Variants in IQCK observed in about 807,000 individuals in gnomAD.
The protein encoded by IQCK is IQ domain-containing protein K.
A neutral mutation model predicts 28.1 loss-of-function variants in IQCK; 29 were observed. That is an observed-to-expected ratio of 1.03 (90% CI 0.77 to 1.41). The LOEUF (loss-of-function observed/expected upper bound fraction) is 1.41, where lower values mean the gene tolerates loss of function less well. Among genes scored for constraint, IQCK ranks in the 40% most tolerant of loss-of-function variants. The pLI is 0.00. For synonymous variants in IQCK, 113 were observed against 115.1 expected, an observed-to-expected ratio of 0.98 and a Z score of 0.12; for missense variants, 359 against 314.7, an observed-to-expected ratio of 1.14 and a Z score of -1.07.
At chr16:19,764,180 C>T in intron 6 of IQCK, 68 bp downstream of exon 6, 1 of 1,314,454 alleles carries the variant, frequency 7.6e-7, no homozygotes, top group Admixed American at 2.0e-5. Flanking sequence ...TACTTTTCTT[C>T]CATCTAAGAG....
intron 9 of IQCK, among the ~76,000 whole-genome samples, chr16:19,834,756 TTGAGGAGCAG>T (rs2056274426): frequency 6.6e-6 from 1 of 152,134 alleles, no homozygotes; most frequent in African/African-American, 2.4e-5. Context: ...CCATCTACAT[TTGAGGAGCAG>T]AGAAAGGTTT....
rs1311180817 is a variant in IQCK, at chr16:19,747,128, A to G, written c.474+11678A>G. Among the ~76,000 whole-genome samples, 3 of 152,342 alleles carry G rather than the reference A, an allele frequency of 2.0e-5. No homozygotes were observed. In the East Asian group the frequency reaches 5.8e-4, roughly 29 times the overall value. ...CCCCTATCTCTGCCAGCAAAAAATCATAACCATTTATTTAGCTCACTTTTT... is the reference window on the plus strand; with the variant it reads ...CCCCTATCTCTGCCAGCAAAAAATCGTAACCATTTATTTAGCTCACTTTTT... On this transcript the variant is annotated intron_variant, in intron 4 of 7. Coordinates refer to ENST00000564186, the Ensembl canonical transcript of IQCK.
At chr16:19,760,750 G>T (rs2055126424) in intron 4 of IQCK, among the ~76,000 whole-genome samples, 1 of 152,108 alleles carries the variant, frequency 6.6e-6, no homozygotes, top group Non-Finnish European at 1.5e-5. Flanking sequence ...AAAAAATTCA[G>T]GGCAAGTCCG....
At chr16:19,720,290 A>G (rs997598474) in intron 1 of IQCK, among the ~76,000 whole-genome samples, 5 of 152,176 alleles carry the variant, frequency 3.3e-5, no homozygotes, top group African/African-American at 1.2e-4. Flanking sequence ...TCTTGGTGCT[A>G]TGATCCAAGG....
intron 7 of IQCK, among the ~76,000 whole-genome samples, chr16:19,810,267 C>G (rs574848375): frequency 6.6e-6 from 1 of 151,976 alleles, no homozygotes; most frequent in Non-Finnish European, 1.5e-5. Context: ...GAGGCCGAGG[C>G]GGGCGGATCA....
chr16:19,728,984 G>A (rs868758560), intron 1 of IQCK, among the ~76,000 whole-genome samples: 1 of 152,160 alleles, frequency 6.6e-6, no homozygotes, highest in African/African-American at 2.4e-5. Flanking sequence ...GACTGTAAGT[G>A]ACTGTGCAAT....
chr16:19,742,494 A>G (rs1423564476), intron 4 of IQCK, among the ~76,000 whole-genome samples: 1 of 152,144 alleles, frequency 6.6e-6, no homozygotes, highest in Non-Finnish European at 1.5e-5. Context: ...CATTTTCTTG[A>G]TTCAGCTGTT....
At chr16:19,854,609 G>A (rs2056530454) in intron 9 of IQCK, among the ~76,000 whole-genome samples, 2 of 152,248 alleles carry the variant, frequency 1.3e-5, no homozygotes, top group Admixed American at 1.3e-4. Context: ...GATGCTGGCT[G>A]CACTAGTTGA....
intron 6 of IQCK, among the ~76,000 whole-genome samples, chr16:19,771,088 A>G (rs1340983352): frequency 1.3e-5 from 2 of 152,048 alleles, no homozygotes; most frequent in Non-Finnish European, 2.9e-5. Context: ...GGTTCTGGGA[A>G]TTTTTTGGGA....
chr16:19,856,372 A>T, intron 9 of IQCK, 115 bp from the exon 9 acceptor site: 1 of 753,114 alleles, frequency 1.3e-6, no homozygotes, highest in East Asian at 2.7e-5. Flanking sequence ...TAGCAGGCGC[A>T]CAGTGGGTTT....
chr16:19,772,859 T>C (rs1247661024), intron 6 of IQCK, among the ~76,000 whole-genome samples: 3 of 151,898 alleles, frequency 2.0e-5, no homozygotes, highest in African/African-American at 7.3e-5. Flanking sequence ...AAAAATCAGC[T>C]GATCATGGTG....
rs1210033815 is a variant in IQCK, at chr16:19,780,675, TA to T, written c.606-8162del. ...TATGAATGTGGACAACAAACCTCAG[TA>T]GTTTCCATAGTATCTGTGAGTTTGT... On this transcript the variant is annotated intron_variant, in intron 6 of 7. Transcript: ENST00000564186. 6.6e-5 allele frequency among the ~76,000 whole-genome samples: 10 copies of T among 152,300 alleles called. No homozygotes were observed. The East Asian group carries it at 1.4e-3, about 21-fold the overall frequency.
At position 19,730,477 on chromosome 16, in the gene IQCK, C is replaced by T. The variant is rs1977797177; in HGVS notation, c.229C>T (p.Gln77Ter). 1.9e-6 allele frequency: 3 copies of T among 1,607,386 alleles called. 1 individual carries two copies. Among genetic ancestry groups the T allele is most frequent in the Admixed American group, 3.4e-5 (2 of 59,124 alleles). The change falls in exon 2 of 8, where the codon CAG becomes TAG. Residue 77 changes from glutamine (Q) to a stop codon, truncating the protein, a stop_gained. Transcript: ENST00000564186. LOFTEE classifies it high-confidence loss of function. The stretch of plus-strand genomic sequence containing the variant: ...CTTTCCAGAAGGATATAAAGTCAAA[C>T]AGGAGCCTGTGATTACGGTGAGTAT...
At chr16:19,761,016 G>A (rs764601483) in intron 4 of IQCK, 2 of 181,424 alleles carry the variant, frequency 1.1e-5, no homozygotes, top group Non-Finnish European at 2.4e-5. Context: ...CACTCTTGTC[G>A]CCATCTTGGT....
At chr16:19,728,881 G>C (rs1207263762) in intron 1 of IQCK, among the ~76,000 whole-genome samples, 1 of 152,220 alleles carries the variant, frequency 6.6e-6, no homozygotes, top group Non-Finnish European at 1.5e-5. Flanking sequence ...ATGCTGTACT[G>C]TCTGATAGGT....
intron 9 of IQCK, among the ~76,000 whole-genome samples, chr16:19,838,370 G>C (rs149082137): frequency 6.6e-6 from 1 of 152,342 alleles, no homozygotes; most frequent in African/African-American, 2.4e-5. Flanking sequence ...TGGAGGAAAA[G>C]AGTAGGGAGG....
intron 4 of IQCK, among the ~76,000 whole-genome samples, chr16:19,754,416 G>T (rs1468247594): frequency 6.6e-6 from 1 of 152,150 alleles, no homozygotes; most frequent in Non-Finnish European, 1.5e-5. Flanking sequence ...CTGGGTAGAG[G>T]CCATAAGACC....
chr16:19,790,306 C>G (rs1173770879), intron 7 of IQCK, among the ~76,000 whole-genome samples: 5 of 77,596 alleles, frequency 6.4e-5, no homozygotes. Context: ...GCATGTGTAT[C>G]TCATTCCAAA....
chr16:19,736,142 C>T, intron 4 of IQCK: 2 of 456,032 alleles, frequency 4.4e-6, no homozygotes, highest in Non-Finnish European at 4.4e-6. Flanking sequence ...TCTCTCTACT[C>T]CATGCCAACT....
Sources: gnomAD v4.1 joint callset for allele counts (sites outside exome capture counted in the v4.1 genomes callset) on GRCh38, gnomAD v4.1.1 for gene constraint, MANE v1.5 for transcripts, NCBI Gene and HGNC (gene_info 2026-07-23, HGNC 2026-07-21) for gene names.